Variants in ARHGAP15 observed in about 807,000 individuals in gnomAD.
The protein encoded by ARHGAP15 is Rho GTPase activating protein 15.
Under a neutral mutation model 63.7 loss-of-function variants are expected in ARHGAP15, and 51 were observed. That is an observed-to-expected ratio of 0.80 (90% CI 0.64 to 1.01). ARHGAP15 has a LOEUF of 1.01. Among genes scored for constraint, ARHGAP15 ranks in the 50% least tolerant of loss-of-function variants. The pLI is 0.00. For missense variants in ARHGAP15, 560 were observed against 564.6 expected, an observed-to-expected ratio of 0.99 and a Z score of 0.08; for synonymous variants, 191 against 193.8, an observed-to-expected ratio of 0.99 and a Z score of 0.12.
chr2:143,221,236 CT>C (rs1451758285), intron 4 of ARHGAP15, among the ~76,000 whole-genome samples: 3 of 151,962 alleles, frequency 2.0e-5, no homozygotes, highest in Non-Finnish European at 4.4e-5. Flanking sequence ...TCTTTCTCTT[CT>C]TTTTTATGTG....
intron 12 of ARHGAP15, among the ~76,000 whole-genome samples, chr2:143,637,682 C>A (rs1284609046): frequency 2.7e-5 from 4 of 150,198 alleles, no homozygotes; most frequent in African/African-American, 9.8e-5. Flanking sequence ...AACAATGGAG[C>A]AGTTAGAGAT....
intron 13 of ARHGAP15, among the ~76,000 whole-genome samples, chr2:143,724,252 TGACTCTAACCGTGTCACCTTGGATA>T (rs1225697520): frequency 6.6e-6 from 1 of 152,212 alleles, no homozygotes; most frequent in Non-Finnish European, 1.5e-5. Context: ...CCTAGGTTTA[TGACTCTAACCGTGTCACCTTGGATA>T]ACAGCTTCTC....
chr2:143,208,261 A>T (rs1434294756), intron 3 of ARHGAP15, among the ~76,000 whole-genome samples: 8 of 152,162 alleles, frequency 5.3e-5, no homozygotes, highest in East Asian at 3.9e-4. Flanking sequence ...CACGAGAGAC[A>T]TTGGCTTTTG....
rs560820685 is a variant in ARHGAP15 at position 143,391,074 on chromosome 2, A to C, written c.475-44527A>C. ...GAGGTGGAAGCGCGGTAGAATATAAAAGGTAAAGAAGGGCATAGAAAGTCC... is the reference window on the plus strand; with the variant it reads ...GAGGTGGAAGCGCGGTAGAATATAACAGGTAAAGAAGGGCATAGAAAGTCC... On this transcript the variant is annotated intron_variant, in intron 6 of 13. Transcript: ENST00000295095. Among the ~76,000 whole-genome samples, 4 of 152,274 alleles carry C rather than the reference A, an allele frequency of 2.6e-5. No individual in the cohort carries two copies. The South Asian group carries it at 6.2e-4, about 24-fold the overall frequency.
chr2:143,383,722 G>A (rs560559913), intron 6 of ARHGAP15, among the ~76,000 whole-genome samples: 1 of 152,286 alleles, frequency 6.6e-6, no homozygotes, highest in South Asian at 2.1e-4. Context: ...CAGTAATTAT[G>A]TGCCTAAAGT....
intron 6 of ARHGAP15, among the ~76,000 whole-genome samples, chr2:143,349,004 G>A (rs1186399267): frequency 1.3e-5 from 2 of 152,130 alleles, no homozygotes; most frequent in Admixed American, 6.5e-5. Flanking sequence ...AGAAATGTGG[G>A]TACTGGAAGG....
chr2:143,372,867 G>GATA (rs1686621519), intron 6 of ARHGAP15, among the ~76,000 whole-genome samples: 4 of 151,884 alleles, frequency 2.6e-5, no homozygotes, highest in Admixed American at 2.6e-4. Context: ...AGATGATAAA[G>GATA]ATAAAGTATG....
At chr2:143,738,448 A>C (rs1030106513) in intron 13 of ARHGAP15, among the ~76,000 whole-genome samples, 4 of 152,150 alleles carry the variant, frequency 2.6e-5, no homozygotes, top group African/African-American at 9.7e-5. Context: ...AGCAGATACC[A>C]ATATTGTATA....
At chr2:143,421,934 G>A (rs1688942118) in intron 6 of ARHGAP15, among the ~76,000 whole-genome samples, 1 of 151,878 alleles carries the variant, frequency 6.6e-6, no homozygotes, top group South Asian at 2.1e-4. Context: ...GTACTGATTG[G>A]CAATGATTAC....
chr2:143,557,878 C>T (rs1695873425), intron 11 of ARHGAP15, among the ~76,000 whole-genome samples: 1 of 152,078 alleles, frequency 6.6e-6, no homozygotes, highest in Admixed American at 6.6e-5. Context: ...ATAGACAGCT[C>T]ATAGGTTTTA....
chr2:143,427,797 CGTCA>C (rs1343672280), intron 6 of ARHGAP15, among the ~76,000 whole-genome samples: 1 of 151,938 alleles, frequency 6.6e-6, no homozygotes, highest in Non-Finnish European at 1.5e-5. Context: ...TTTCAGTAGA[CGTCA>C]GTATTACATT....
chr2:143,322,382 CAG>C (rs1458774389), intron 6 of ARHGAP15, among the ~76,000 whole-genome samples: 1 of 152,100 alleles, frequency 6.6e-6, no homozygotes, highest in East Asian at 1.9e-4. Context: ...AAAGTTTAAT[CAG>C]AGAGTGGGCT....
At chr2:143,574,402 G>A (rs1203212422) in intron 11 of ARHGAP15, among the ~76,000 whole-genome samples, 3 of 151,986 alleles carry the variant, frequency 2.0e-5, no homozygotes, top group Non-Finnish European at 4.4e-5. Context: ...AGAGTGCCTT[G>A]TTTATTGGCT....
chr2:143,267,896 C>CATG (rs1316235794), intron 6 of ARHGAP15, among the ~76,000 whole-genome samples: 26 of 151,952 alleles, frequency 1.7e-4, no homozygotes, highest in Non-Finnish European at 3.4e-4. Context: ...TCCATGTGGG[C>CATG]ATGTATACTA....
chr2:143,238,543 A>G (rs1222491260), intron 5 of ARHGAP15, among the ~76,000 whole-genome samples: 1 of 152,186 alleles, frequency 6.6e-6, no homozygotes, highest in East Asian at 1.9e-4. Context: ...CCAAAAAACA[A>G]CAGGTGCTGG....
intron 13 of ARHGAP15, among the ~76,000 whole-genome samples, chr2:143,712,410 T>C (rs1411357636): frequency 6.6e-6 from 1 of 152,160 alleles, no homozygotes; most frequent in African/African-American, 2.4e-5. Flanking sequence ...AAGGATAAGA[T>C]ATATATGTTT....
chr2:143,148,425 G>T (rs927248841), intron 1 of ARHGAP15, among the ~76,000 whole-genome samples: 1 of 152,060 alleles, frequency 6.6e-6, no homozygotes, highest in Non-Finnish European at 1.5e-5. Context: ...GAGCTGCTTT[G>T]CTCCCAACAG....
intron 10 of ARHGAP15, among the ~76,000 whole-genome samples, chr2:143,532,245 TA>T (rs1694552306): frequency 6.6e-6 from 1 of 152,218 alleles, no homozygotes; most frequent in East Asian, 1.9e-4. Flanking sequence ...ATAACTTCCA[TA>T]AGCTTTAATG....
intron 8 of ARHGAP15, among the ~76,000 whole-genome samples, chr2:143,479,689 A>G (rs1691983215): frequency 6.6e-6 from 1 of 152,178 alleles, no homozygotes; most frequent in Admixed American, 6.5e-5. Context: ...GTTAAAATAT[A>G]TAATCAATAG....
Sources: gnomAD v4.1 joint callset for allele counts (sites outside exome capture counted in the v4.1 genomes callset) on GRCh38, gnomAD v4.1.1 for gene constraint, MANE v1.5 for transcripts, NCBI Gene and HGNC (gene_info 2026-07-23, HGNC 2026-07-21) for gene names.